Variants in ATP8A2 observed in about 807,000 individuals in gnomAD.
ATP8A2 encodes phospholipid-transporting ATPase IB.
A neutral mutation model predicts 165.6 loss-of-function variants in ATP8A2; 100 were observed. The observed-to-expected ratio is 0.60, with a 90% CI of 0.51 to 0.71. The LOEUF is 0.71. Ranked by LOEUF, ATP8A2 falls within the 30% of genes least tolerant of loss-of-function variation. The pLI, the probability that ATP8A2 is intolerant of heterozygous loss-of-function variation, is 0.00. For synonymous variants in ATP8A2, 543 were observed against 548.8 expected (o/e 0.99, Z 0.15); for missense variants, 1,227 against 1,479.5 (o/e 0.83, Z 2.80).
At chr13:25,794,842 C>CAT (rs1271886746) in intron 27 of ATP8A2, among the ~76,000 whole-genome samples, 1 of 151,546 alleles carries the variant, frequency 6.6e-6, no homozygotes, top group African/African-American at 2.4e-5. Context: ...CACACACACA[C>CAT]ACACACACAC....
intron 27 of ATP8A2, among the ~76,000 whole-genome samples, chr13:25,798,913 G>A (rs1199062663): frequency 2.0e-5 from 3 of 152,038 alleles, no homozygotes; most frequent in South Asian, 4.2e-4. Context: ...CAGCTACTAG[G>A]GAGGCTGAGG....
chr13:26,013,686 A>AGAAAG (rs61603410), intron 36 of ATP8A2, among the ~76,000 whole-genome samples: 17 of 144,650 alleles, frequency 1.2e-4, no homozygotes, highest in South Asian at 4.5e-4. Context: ...AAAAAAAAAA[A>AGAAAG]AAAGAAAGAA....
intron 24 of ATP8A2, among the ~76,000 whole-genome samples, chr13:25,681,776 G>A (rs936721343): frequency 2.0e-5 from 3 of 152,196 alleles, no homozygotes; most frequent in Admixed American, 6.5e-5. Context: ...AATGATTTAT[G>A]TGCCAAAGAT....
At chr13:25,472,462 G>C (rs1218586384) in intron 2 of ATP8A2, among the ~76,000 whole-genome samples, 2 of 151,472 alleles carry the variant, frequency 1.3e-5, no homozygotes, top group South Asian at 2.1e-4. Context: ...AGAAAACGTC[G>C]AGCCATATTA....
At chr13:25,420,955 G>A (rs569911766) in intron 1 of ATP8A2, among the ~76,000 whole-genome samples, 14 of 152,262 alleles carry the variant, frequency 9.2e-5, no homozygotes, top group African/African-American at 3.4e-4. Context: ...ACTTCCATGG[G>A]ATGTCTTCCT....
chr13:25,649,081 T>A (rs2041749321), intron 24 of ATP8A2: 4 of 483,766 alleles, frequency 8.3e-6, no homozygotes, highest in Admixed American at 4.4e-5. Flanking sequence ...GTCCATGTAA[T>A]CCTTGTGTCC....
Position 25,710,105 on chromosome 13 carries a change from CTT to C in ATP8A2, c.2384+10763_2384+10764del, listed in dbSNP as rs776262402. ...GATAATGTTGTGGAGAAGGAGGAGA[CTT>C]TTATTTTTTTTAATTTTTAATTTTA... On this transcript the variant is annotated intron_variant, in intron 25 of 36. Transcript: ENST00000381655. Among the ~76,000 whole-genome samples the C allele has an allele frequency of 4.6e-5, 7 of 151,980 alleles. No individual in the cohort carries two copies. In the East Asian group the frequency reaches 7.7e-4, roughly 17 times the overall value.
In ATP8A2 at chr13:25,487,635, A is replaced by C. The variant is rs549477253; in HGVS notation, c.221+18514A>C. On this transcript the variant is annotated intron_variant, in intron 2 of 36. Transcript: ENST00000381655. Reference sequence around the variant, plus strand: ...GTACCACTTGGGTTTTACAAAAAAAACCAGGTATTGTCTTGTATTAGTAGA... The same window carrying C: ...GTACCACTTGGGTTTTACAAAAAAACCCAGGTATTGTCTTGTATTAGTAGA... 9.8e-5 allele frequency among the ~76,000 whole-genome samples: 15 copies of C among 152,286 alleles called. No individual in the cohort carries two copies. The South Asian group carries it at 2.7e-3, about 27-fold the overall frequency.
At chr13:25,963,265 GCA>G (rs1479389185) in intron 34 of ATP8A2, among the ~76,000 whole-genome samples, 1 of 151,918 alleles carries the variant, frequency 6.6e-6, no homozygotes, top group Non-Finnish European at 1.5e-5. Context: ...GTGGTGGCGG[GCA>G]CCTGTAGTCC....
At chr13:25,587,993 A>G (rs1250119701) in intron 23 of ATP8A2, among the ~76,000 whole-genome samples, 2 of 152,030 alleles carry the variant, frequency 1.3e-5, no homozygotes, top group East Asian at 3.9e-4. Context: ...TGTAACAGGT[A>G]TTTGCCCATG....
chr13:25,684,176 C>G (rs150020163), intron 24 of ATP8A2, among the ~76,000 whole-genome samples: 4 of 152,166 alleles, frequency 2.6e-5, no homozygotes, highest in Non-Finnish European at 5.9e-5. Flanking sequence ...TTATTGACTG[C>G]GCTTAGCAGA....
At chr13:25,986,699 T>C (rs528235530) in intron 35 of ATP8A2, among the ~76,000 whole-genome samples, 62 of 152,370 alleles carry the variant, frequency 4.1e-4, no homozygotes, top group African/African-American at 1.4e-3. Flanking sequence ...CATACTGATG[T>C]TGTCCCCTCT....
intron 27 of ATP8A2, among the ~76,000 whole-genome samples, chr13:25,824,400 A>G (rs922194492): frequency 1.3e-5 from 2 of 152,076 alleles, no homozygotes; most frequent in Non-Finnish European, 2.9e-5. Flanking sequence ...AAGAAAATTC[A>G]CTTTTTCATT....
At chr13:25,394,568 G>A (rs1593248215) in intron 1 of ATP8A2, among the ~76,000 whole-genome samples, 1 of 152,204 alleles carries the variant, frequency 6.6e-6, no homozygotes, top group East Asian at 1.9e-4. Flanking sequence ...GAGACCAATT[G>A]CTGGCCGGAT....
intron 33 of ATP8A2, among the ~76,000 whole-genome samples, chr13:25,884,831 C>T (rs1953093700): frequency 6.6e-6 from 1 of 152,210 alleles, no homozygotes; most frequent in Non-Finnish European, 1.5e-5. Context: ...TTGCCCTCCT[C>T]CCACGAGCCA....
intron 2 of ATP8A2, among the ~76,000 whole-genome samples, chr13:25,488,171 G>A (rs921328948): frequency 1.3e-5 from 2 of 151,976 alleles, no homozygotes; most frequent in Non-Finnish European, 2.9e-5. Context: ...CTTTATTGTG[G>A]TAAAATACAC....
At chr13:25,829,668 G>GTGTATATA (rs1312948758) in intron 28 of ATP8A2, among the ~76,000 whole-genome samples, 14 of 63,422 alleles carry the variant, frequency 2.2e-4, no homozygotes, top group African/African-American at 7.5e-4. Flanking sequence ...GACAGGTGTG[G>GTGTATATA]TATATATATA....
At chr13:25,417,614 A>C (rs762892369) in intron 1 of ATP8A2, among the ~76,000 whole-genome samples, 7 of 152,218 alleles carry the variant, frequency 4.6e-5, no homozygotes, top group Middle Eastern at 3.4e-3. Context: ...ATTCTAGCTC[A>C]GTGATTCTGA....
At chr13:25,478,820 C>T (rs1327648577) in intron 2 of ATP8A2, among the ~76,000 whole-genome samples, 1 of 151,336 alleles carries the variant, frequency 6.6e-6, no homozygotes, top group Non-Finnish European at 1.5e-5. Flanking sequence ...TCAGTGGTCT[C>T]CAAAACTTTT....
Sources: gnomAD v4.1 joint callset for allele counts (sites outside exome capture counted in the v4.1 genomes callset) on GRCh38, gnomAD v4.1.1 for gene constraint, MANE v1.5 for transcripts, NCBI Gene and HGNC (gene_info 2026-07-23, HGNC 2026-07-21) for gene names.